The following CDIN1 variants were observed in gnomAD, a reference collection of about 807,000 sequenced individuals.
The protein encoded by CDIN1 is CDAN1-interacting nuclease 1.
A neutral mutation model predicts 45.3 loss-of-function variants in CDIN1; 33 were observed. The observed-to-expected ratio is 0.73, with a 90% CI of 0.55 to 0.97. The LOEUF is 0.97. Among genes scored for constraint, CDIN1 ranks in the 50% least tolerant of loss-of-function variants. CDIN1 has a pLI of 0.00. For missense variants in CDIN1, 303 were observed against 339.4 expected (o/e 0.89, Z 0.84); for synonymous variants, 118 against 124.4 (o/e 0.95, Z 0.34).
chr15:36,651,964 A>C (rs139153691), intron 3 of CDIN1, among the ~76,000 whole-genome samples: 21 of 152,348 alleles, frequency 1.4e-4, no homozygotes, highest in African/African-American at 2.6e-4. Context: ...CAACTTTTAC[A>C]TGAAGCCATG....
chr15:36,667,326 A>G (rs1005211713), intron 5 of CDIN1, among the ~76,000 whole-genome samples: 1 of 152,192 alleles, frequency 6.6e-6, no homozygotes, highest in African/African-American at 2.4e-5. Context: ...ATGTCTTTGT[A>G]AAAAGGAGCC....
At chr15:36,591,936 G>A (rs189361853) in intron 1 of CDIN1, 1 of 152,326 alleles carries the variant, frequency 6.6e-6, no homozygotes, top group African/African-American at 2.4e-5. Flanking sequence ...AGCTGACCTG[G>A]TTGGTTTTGC....
intron 10 of CDIN1, among the ~76,000 whole-genome samples, chr15:36,786,225 T>G (rs2054487200): frequency 1.3e-5 from 2 of 152,222 alleles, no homozygotes; most frequent in Non-Finnish European, 2.9e-5. Flanking sequence ...AAGGTAACTT[T>G]TTATTCCTTT....
At chr15:36,603,025 C>G (rs1010806097) in intron 1 of CDIN1, among the ~76,000 whole-genome samples, 3 of 152,038 alleles carry the variant, frequency 2.0e-5, no homozygotes, top group East Asian at 3.9e-4. Flanking sequence ...GCCATGGCAG[C>G]ATCATTGGTG....
At chr15:36,713,380 C>T (rs907025320) in intron 10 of CDIN1, among the ~76,000 whole-genome samples, 4 of 152,068 alleles carry the variant, frequency 2.6e-5, no homozygotes, top group African/African-American at 7.2e-5. Flanking sequence ...CCAAAGTGCA[C>T]TTTGTTGATA....
At chr15:36,719,304 C>T (rs1305901130) in intron 10 of CDIN1, among the ~76,000 whole-genome samples, 1 of 152,020 alleles carries the variant, frequency 6.6e-6, no homozygotes, top group East Asian at 1.9e-4. Context: ...CCCTTCTAGT[C>T]CTAGTTTGCT....
chr15:36,608,944 C>T (rs1394962859), intron 1 of CDIN1, among the ~76,000 whole-genome samples: 1 of 151,472 alleles, frequency 6.6e-6, no homozygotes, highest in Non-Finnish European at 1.5e-5. Context: ...AAGTTTTACA[C>T]AAATCTCTGT....
intron 1 of CDIN1, among the ~76,000 whole-genome samples, chr15:36,638,430 G>A (rs1268547401): frequency 1.3e-5 from 2 of 152,140 alleles, no homozygotes; most frequent in South Asian, 4.1e-4. Flanking sequence ...AAGATGATTG[G>A]ATTATTTATA....
intron 1 of CDIN1, among the ~76,000 whole-genome samples, chr15:36,595,340 A>AT (rs1459758774): frequency 7.6e-4 from 113 of 147,834 alleles, no homozygotes; most frequent in South Asian, 1.9e-3. Flanking sequence ...ATATAATATA[A>AT]AATAATATGA....
At chr15:36,689,600 A>T (rs1595474834) in intron 5 of CDIN1, among the ~76,000 whole-genome samples, 1 of 152,336 alleles carries the variant, frequency 6.6e-6, no homozygotes, top group East Asian at 1.9e-4. Context: ...AGGTAATGAA[A>T]GGTATGGACA....
intron 10 of CDIN1, among the ~76,000 whole-genome samples, chr15:36,807,444 A>G (rs1217537482): frequency 6.6e-6 from 1 of 152,200 alleles, no homozygotes; most frequent in Non-Finnish European, 1.5e-5. Flanking sequence ...AAAAACGTGA[A>G]ACTGATGTGC....
chr15:36,665,983 T>C (rs914644413), intron 5 of CDIN1, among the ~76,000 whole-genome samples: 3 of 152,212 alleles, frequency 2.0e-5, no homozygotes, highest in South Asian at 4.1e-4. Flanking sequence ...TATTCCAGGA[T>C]ATTTATTGCA....
chr15:36,746,419 T>G (rs1373733494), intron 10 of CDIN1, among the ~76,000 whole-genome samples: 1 of 152,170 alleles, frequency 6.6e-6, no homozygotes, highest in African/African-American at 2.4e-5. Flanking sequence ...TCCTCTTCTG[T>G]TAAATTTAGG....
rs1185490977 is a variant in CDIN1, at chr15:36,648,406, CAT to C, written c.212+3124_212+3125del. ...TTTACTGAATTATTCCTTTGTCGAG[CAT>C]ATATGTTTCCAATATTCTATTTTTT... On this transcript the variant is annotated intron_variant, in intron 3 of 10. Coordinates refer to ENST00000566621, the MANE Select transcript of CDIN1 (RefSeq NM_001321759.2). Among the ~76,000 whole-genome samples the C allele has an allele frequency of 2.0e-5, 3 of 147,296 alleles. No individual in the cohort carries two copies. In the East Asian group the frequency reaches 6.0e-4, roughly 29 times the overall value.
chr15:36,628,497 A>G (rs982901854), intron 1 of CDIN1, among the ~76,000 whole-genome samples: 1 of 152,176 alleles, frequency 6.6e-6, no homozygotes, highest in Non-Finnish European at 1.5e-5. Context: ...ATTTGTGTGT[A>G]GGGCTTTGTG....
chr15:36,789,354 A>G (rs3759913), intron 10 of CDIN1, among the ~76,000 whole-genome samples: 1 of 152,142 alleles, frequency 6.6e-6, no homozygotes, highest in African/African-American at 2.4e-5. Flanking sequence ...GTAAACAAAT[A>G]TAGAAACATT....
chr15:36,668,184 T>C (rs1032748362), intron 5 of CDIN1: 1 of 152,170 alleles, frequency 6.6e-6, no homozygotes, highest in Non-Finnish European at 1.5e-5. Context: ...CTTGGTTCAT[T>C]GCCTAGATAC....
intron 10 of CDIN1, among the ~76,000 whole-genome samples, chr15:36,785,361 G>A (rs532199514): frequency 2.6e-5 from 4 of 152,118 alleles, no homozygotes; most frequent in Non-Finnish European, 2.9e-5. Context: ...CAAAGAGTCC[G>A]GTAGGCCTCA....
rs539667724 is a variant in CDIN1 at position 36,610,559 on chromosome 15, G to A, written c.101+30598G>A. 2.0e-5 allele frequency among the ~76,000 whole-genome samples: 3 copies of A among 152,266 alleles called. No individual in the cohort carries two copies. The South Asian group carries it at 6.2e-4, about 32-fold the overall frequency. ...CTTTATCTTTTATTTGGATGGGTTT[G>A]TATATAACTGCGTGTGAGTGTGTAT... On this transcript the variant is annotated intron_variant, in intron 1 of 10. Coordinates refer to ENST00000566621, the MANE Select transcript of CDIN1 (RefSeq NM_001321759.2).
Sources: gnomAD v4.1 joint callset for allele counts (sites outside exome capture counted in the v4.1 genomes callset) on GRCh38, gnomAD v4.1.1 for gene constraint, MANE v1.5 for transcripts, NCBI Gene and HGNC (gene_info 2026-07-23, HGNC 2026-07-21) for gene names.